The following ANKRD36 variants were observed in gnomAD, a reference collection of about 807,000 sequenced individuals.
ANKRD36 encodes ankyrin repeat domain-containing protein 36A.
In ANKRD36, 179 loss-of-function variants were observed where a neutral mutation model predicts 278.1. The ratio of observed to expected loss-of-function variants is 0.64; its 90% CI spans 0.57 to 0.73. The LOEUF (loss-of-function observed/expected upper bound fraction) is 0.73. Among genes scored for constraint, ANKRD36 ranks in the 30% least tolerant of loss-of-function variants. ANKRD36 has a pLI of 0.00. For synonymous variants in ANKRD36, 320 were observed against 641.1 expected, an observed-to-expected ratio of 0.50 and a Z score of 7.57; for missense variants, 1,159 against 1,956.7, an observed-to-expected ratio of 0.59 and a Z score of 7.69.
chr2:97,172,445 A>G (rs2052857989), intron 22 of ANKRD36, among the ~76,000 whole-genome samples: 1 of 151,896 alleles, frequency 6.6e-6, no homozygotes, highest in Admixed American at 6.6e-5. Context: ...GGATATGCTT[A>G]TGTGGTTGCT....
rs749916465 is a variant in ANKRD36 at position 97,113,720 on chromosome 2, A to G, written c.-20A>G. On this transcript the variant is annotated 5_prime_UTR_variant, in exon 1 of 76. Transcript: ENST00000420699. ...GCGAGCTGAAATACGGCTGCAGGCTACAATTTGCAGCCGACGATTATGGAA... is the reference window on the plus strand; with the variant it reads ...GCGAGCTGAAATACGGCTGCAGGCTGCAATTTGCAGCCGACGATTATGGAA... 49 of 1,611,384 alleles carry G rather than the reference A, an allele frequency of 3.0e-5. 3 individuals carry two copies. In the Admixed American group the frequency reaches 6.7e-4, roughly 22 times the overall value.
intron 62 of ANKRD36, chr2:97,215,875 AGTG>A (rs1159961071): frequency 3.8e-6 from 2 of 529,316 alleles, no homozygotes; most frequent in Non-Finnish European, 6.5e-6. Context: ...CAGAGGGAAA[AGTG>A]ATCCTAATAC....
At chr2:97,226,428 G>C (rs1390232651) in intron 67 of ANKRD36, among the ~76,000 whole-genome samples, 5 of 150,434 alleles carry the variant, frequency 3.3e-5, no homozygotes, top group African/African-American at 1.2e-4. Context: ...GTCTTCTTTT[G>C]AGAAGTGTCT....
chr2:97,198,098 GT>G (rs1418900925), intron 42 of ANKRD36, among the ~76,000 whole-genome samples: 1 of 151,908 alleles, frequency 6.6e-6, no homozygotes, highest in East Asian at 1.9e-4. Flanking sequence ...TGAAAGACAT[GT>G]GGGTACATGT....
At chr2:97,127,736 C>T (rs982304332) in intron 6 of ANKRD36, among the ~76,000 whole-genome samples, 1 of 151,684 alleles carries the variant, frequency 6.6e-6, no homozygotes, top group Non-Finnish European at 1.5e-5. Context: ...GTTCACCCAC[C>T]CATGGTAAAA....
At chr2:97,210,153 T>A (rs1325768765) in intron 56 of ANKRD36, among the ~76,000 whole-genome samples, 3 of 151,816 alleles carry the variant, frequency 2.0e-5, no homozygotes, top group Admixed American at 6.6e-5. Flanking sequence ...AATTTTACTT[T>A]AATTCTACAG....
At chr2:97,226,809 G>A (rs1416456433) in intron 67 of ANKRD36, among the ~76,000 whole-genome samples, 1 of 151,390 alleles carries the variant, frequency 6.6e-6, no homozygotes, top group African/African-American at 2.4e-5. Context: ...TGTATAAGGT[G>A]TAAGGAAGGG....
intron 52 of ANKRD36, among the ~76,000 whole-genome samples, chr2:97,206,900 T>A (rs1156312833): frequency 6.6e-6 from 1 of 151,504 alleles, no homozygotes; most frequent in African/African-American, 2.4e-5. Flanking sequence ...AGCCACCTCT[T>A]GGATACAATA....
At chr2:97,206,557 C>A (rs1184785325) in intron 52 of ANKRD36, among the ~76,000 whole-genome samples, 2 of 151,244 alleles carry the variant, frequency 1.3e-5, no homozygotes, top group African/African-American at 2.4e-5. Flanking sequence ...CTAAGGAGAC[C>A]CCTGGTGTAG....
chr2:97,211,858 A>G, intron 58 of ANKRD36, 117 bp downstream of exon 58: 2 of 1,288,068 alleles, frequency 1.6e-6, no homozygotes, highest in Non-Finnish European at 2.1e-6. Flanking sequence ...AGTATTCCTG[A>G]GATTATTCAT....
intron 50 of ANKRD36, among the ~76,000 whole-genome samples, chr2:97,204,529 A>G (rs1165358857): frequency 1.3e-5 from 2 of 151,364 alleles, no homozygotes; most frequent in Non-Finnish European, 3.0e-5. Flanking sequence ...TCCGGGGAAC[A>G]ACATAATTTT....
intron 36 of ANKRD36, 110 bp downstream of exon 36, chr2:97,191,291 C>G: frequency 8.0e-7 from 1 of 1,245,660 alleles, no homozygotes; most frequent in Non-Finnish European, 1.1e-6. Context: ...TATCATTCAG[C>G]TGTCCTGAGA....
At chr2:97,237,408 A>G (rs4907271) in intron 68 of ANKRD36, among the ~76,000 whole-genome samples, 1,792 of 151,560 alleles carry the variant, frequency 0.012, 24 homozygotes, top group Non-Finnish European at 0.018. Context: ...CAAATGTACA[A>G]TGATGTGTAT....
At chr2:97,142,310 G>A (rs62152991) in intron 6 of ANKRD36, among the ~76,000 whole-genome samples, 80,929 of 148,634 alleles carry the variant, frequency 0.54, 23,716 homozygotes, top group Non-Finnish European at 0.72. Context: ...TTGATTCCCA[G>A]GTGCATGAGT....
intron 32 of ANKRD36, among the ~76,000 whole-genome samples, chr2:97,188,806 C>T (rs1263209656): frequency 1.0e-5 from 1 of 96,852 alleles, no homozygotes; most frequent in African/African-American, 2.6e-5. Flanking sequence ...GTCCTCATCA[C>T]TCGGCATATC....
chr2:97,209,916 G>A lies in ANKRD36; in HGVS notation c.3367+44G>A, dbSNP rs764908308. ...TTAATGTCATGTTCAGTCCAGATAG[G>A]TAAGAAATTCTCTTCCCTGAATAAA... is the stretch of plus-strand genomic sequence containing the variant. On this transcript the variant is annotated intron_variant, in intron 56 of 75. Coordinates refer to ENST00000420699, the MANE Select transcript of ANKRD36 (RefSeq NM_001354587.1). 52 of 1,541,600 alleles carry A rather than the reference G, an allele frequency of 3.4e-5. 1 individual carries two copies. Among genetic ancestry groups the A allele is most frequent in the African/African-American group, 1.4e-5 (1 of 72,218 alleles).
At chr2:97,114,338 G>C (rs1420997223) in intron 1 of ANKRD36, among the ~76,000 whole-genome samples, 2 of 108,170 alleles carry the variant, frequency 1.8e-5, no homozygotes, top group Admixed American at 9.5e-5. Context: ...CAGAGGTGAG[G>C]GGGGCGAGTC....
intron 42 of ANKRD36, among the ~76,000 whole-genome samples, chr2:97,197,417 A>G (rs1335543760): frequency 6.6e-6 from 1 of 151,964 alleles, no homozygotes; most frequent in Non-Finnish European, 1.5e-5. Flanking sequence ...TGGGATTGGC[A>G]TAAAAACACA....
At position 97,116,951 on chromosome 2, in the gene ANKRD36, C is replaced by T. The variant is rs555436849; in HGVS notation, c.198-1113C>T. Among the ~76,000 whole-genome samples, 5 of 152,012 alleles carry T rather than the reference C, an allele frequency of 3.3e-5. No individual in the cohort carries two copies. The East Asian group carries it at 7.7e-4, about 24-fold the overall frequency. ...GATTCCACCATCTCTCAGGACTCTT[C>T]CACCCTTAACAACTTCATGTTTACC... On this transcript the variant is annotated intron_variant, in intron 1 of 75. Coordinates refer to ENST00000420699, the MANE Select transcript of ANKRD36 (RefSeq NM_001354587.1).
Sources: gnomAD v4.1 joint callset for allele counts (sites outside exome capture counted in the v4.1 genomes callset) on GRCh38, gnomAD v4.1.1 for gene constraint, MANE v1.5 for transcripts, NCBI Gene and HGNC (gene_info 2026-07-23, HGNC 2026-07-21) for gene names.